The following FNTA variants were observed in gnomAD, a reference collection of about 807,000 sequenced individuals.
FNTA encodes the protein protein farnesyltransferase/geranylgeranyltransferase type-1 subunit alpha.
A neutral mutation model predicts 55.2 loss-of-function variants in FNTA; 27 were observed. The observed-to-expected ratio is 0.49, with a 90% CI of 0.36 to 0.67. The LOEUF is 0.67. Ranked by LOEUF, FNTA falls within the 30% of genes least tolerant of loss-of-function variation. The pLI, the probability that FNTA is intolerant of heterozygous loss-of-function variation, is 0.00. For missense variants in FNTA, 422 were observed against 464.7 expected (o/e 0.91, Z 0.85); for synonymous variants, 176 against 170.7 (o/e 1.03, Z -0.24).
intron 5 of FNTA, among the ~76,000 whole-genome samples, chr8:43,074,524 C>CAATT (rs60935194): frequency 0.064 from 9,312 of 144,604 alleles, 629 homozygotes; most frequent in African/African-American, 0.17. Flanking sequence ...GACCCTGTCT[C>CAATT]AAAAGAAAAA....
chr8:43,057,915 G>GC (rs1439311993), intron 1 of FNTA, among the ~76,000 whole-genome samples: 1 of 145,332 alleles, frequency 6.9e-6, no homozygotes, highest in Non-Finnish European at 1.5e-5. Flanking sequence ...CGGAGATTGC[G>GC]CCCATTGCAC....
intron 6 of FNTA, chr8:43,080,597 C>T (rs1811002711): frequency 6.6e-6 from 1 of 152,114 alleles, no homozygotes; most frequent in Admixed American, 6.5e-5. Context: ...GCAAGGTATT[C>T]CTGTATTGTT....
Position 43,085,449 on chromosome 8 carries a change from C to T in FNTA, c.*167C>T. ...TCCTTGGGTGCTGCTGCTACTCAGA[C>T]TAGCTCTAAGTAATGTGATTCTTCT... On this transcript the variant is annotated 3_prime_UTR_variant, in exon 9 of 9. Transcript: ENST00000302279. 1 of 618,292 alleles carries T rather than the reference C, an allele frequency of 1.6e-6. No individual in the cohort carries two copies. Among genetic ancestry groups the T allele is most frequent in the Non-Finnish European group, 2.8e-6 (1 of 357,588 alleles). 38.3% of individuals were successfully genotyped at this position (618,292 alleles called of 1,614,324 possible).
intron 4 of FNTA, among the ~76,000 whole-genome samples, chr8:43,070,696 C>G (rs1810769330): frequency 6.6e-6 from 1 of 152,252 alleles, no homozygotes; most frequent in Non-Finnish European, 1.5e-5. Context: ...AATTGTTGTA[C>G]ATTTCTAATT....
intron 4 of FNTA, 45 bp downstream of exon 4, chr8:43,069,704 G>A: frequency 8.4e-7 from 1 of 1,196,186 alleles, no homozygotes; most frequent in Non-Finnish European, 1.2e-6. Context: ...GAGTGCAGTG[G>A]CATGACCTCG....
At position 43,059,128 on chromosome 8, in the gene FNTA, G is replaced by C; in HGVS notation, c.237G>C (p.Pro79=). 6.2e-7 allele frequency: 1 copy of C among 1,613,408 alleles called. No individual in the cohort carries two copies. The highest frequency in any genetic ancestry group is 8.5e-7 in the Non-Finnish European group (1 of 1,179,784). ...RAEWADIDPV[P]QNDGPNPVVQ... ...AATGGGCTGATATAGATCCGGTGCCGCAGAATGATGGCCCCAATCCCGTGG... is the reference window on the plus strand; with the variant it reads ...AATGGGCTGATATAGATCCGGTGCCCCAGAATGATGGCCCCAATCCCGTGG... Residue 79 remains proline, a synonymous_variant, in exon 2 of 9, where the codon CCG becomes CCC. Transcript: ENST00000302279.
chr8:43,083,728 G>A (rs1330601081), intron 7 of FNTA, among the ~76,000 whole-genome samples: 1 of 152,192 alleles, frequency 6.6e-6, no homozygotes, highest in Non-Finnish European at 1.5e-5. Context: ...AGATGTGTCA[G>A]GGGAGGTGCC....
intron 3 of FNTA, among the ~76,000 whole-genome samples, chr8:43,067,672 T>C (rs559879879): frequency 6.6e-6 from 1 of 151,688 alleles, no homozygotes; most frequent in African/African-American, 2.4e-5. Context: ...GGAATAATAA[T>C]GGAGAGAAAT....
rs1447680140 is a variant in FNTA at position 43,066,345 on chromosome 8, C to T, written c.401+2130C>T. On this transcript the variant is annotated intron_variant, in intron 3 of 8. Coordinates refer to ENST00000302279, the MANE Select transcript of FNTA (RefSeq NM_002027.3). ...GATCTCTGCTCACTGCAAGCTCTGC[C>T]TCCTGGGTTCACGCCATTCTCCTGC... 2.0e-5 allele frequency among the ~76,000 whole-genome samples: 3 copies of T among 150,586 alleles called. 1 individual carries two copies. The highest frequency in any genetic ancestry group is 5.0e-5 in the African/African-American group (2 of 40,160).
At chr8:43,065,189 A>C (rs1324256118) in intron 3 of FNTA, among the ~76,000 whole-genome samples, 1 of 148,674 alleles carries the variant, frequency 6.7e-6, no homozygotes, top group African/African-American at 2.5e-5. Flanking sequence ...ATTCTCCACT[A>C]CCCTCCCTCC....
At chr8:43,064,237 TATTCCCTGCTTAA>T (rs753149361) in intron 3 of FNTA, 22 bp downstream of exon 3, 1 of 1,365,854 alleles carries the variant, frequency 7.3e-7, no homozygotes, top group South Asian at 1.2e-5. Flanking sequence ...ACATCATCAG[TATTCCCTGCTTAA>T]ATGTTTTACT....
intron 2 of FNTA, among the ~76,000 whole-genome samples, chr8:43,061,557 CT>C (rs1177241747): frequency 6.6e-6 from 1 of 152,102 alleles, no homozygotes; most frequent in East Asian, 1.9e-4. Context: ...ATATGTCTAT[CT>C]TTTGGAGAAA....
intron 2 of FNTA, among the ~76,000 whole-genome samples, chr8:43,060,161 C>T (rs532074691): frequency 4.7e-4 from 72 of 151,992 alleles, no homozygotes; most frequent in South Asian, 1.7e-3. Context: ...TATAACTGCA[C>T]GGAAATGCAA....
chr8:43,068,838 A>G (rs376511152), intron 3 of FNTA, among the ~76,000 whole-genome samples: 1 of 149,268 alleles, frequency 6.7e-6, no homozygotes, highest in African/African-American at 2.5e-5. Context: ...TCAGTCTCCC[A>G]GGTAGCTGGG....
At chr8:43,068,773 C>T (rs531989647) in intron 3 of FNTA, among the ~76,000 whole-genome samples, 9 of 152,298 alleles carry the variant, frequency 5.9e-5, no homozygotes, top group African/African-American at 2.2e-4. Flanking sequence ...AGTGCAATGG[C>T]GTGATCTTGG....
At chr8:43,084,062 C>G (rs907650940) in intron 7 of FNTA, among the ~76,000 whole-genome samples, 1 of 151,266 alleles carries the variant, frequency 6.6e-6, no homozygotes, top group African/African-American at 2.4e-5. Flanking sequence ...ACAAGAGACC[C>G]TGTCTCAAAG....
At position 43,059,092 on chromosome 8, in the gene FNTA, G is replaced by A. The variant is rs1161216216; in HGVS notation, c.201G>A (p.Arg67=). 2 of 1,612,198 alleles carry A rather than the reference G, an allele frequency of 1.2e-6. No individual in the cohort carries two copies. Among genetic ancestry groups the A allele is most frequent in the African/African-American group, 1.3e-5 (1 of 74,974 alleles). ...SLDSPSYVLY[R]DRAEWADIDP... ...CTGGTTGGGGAATGTCTGTTTTCAG[G>A]GACAGAGCAGAATGGGCTGATATAG... Residue 67 remains arginine, a splice_region_variant and synonymous_variant, in exon 2 of 9, where the codon AGG becomes AGA. Coordinates refer to ENST00000302279, the MANE Select transcript of FNTA (RefSeq NM_002027.3).
At chr8:43,076,314 G>C (rs1488968803) in intron 5 of FNTA, among the ~76,000 whole-genome samples, 2 of 151,994 alleles carry the variant, frequency 1.3e-5, no homozygotes, top group African/African-American at 4.8e-5. Context: ...AAAGTGCTGG[G>C]ATTACAAACT....
chr8:43,064,315 AT>A (rs35209691), intron 3 of FNTA, 100 bp downstream of exon 3: 39,934 of 733,518 alleles, frequency 0.054, 1,428 homozygotes, highest in South Asian at 0.086. Context: ...ACTGTACTTT[AT>A]TTTTTTTGGA....
Sources: allele counts gnomAD v4.1 joint callset (sites outside exome capture counted in the v4.1 genomes callset), GRCh38; gene constraint gnomAD v4.1.1; transcripts MANE v1.5; gene names NCBI Gene and HGNC (gene_info 2026-07-23, HGNC 2026-07-21).